The following IP6K3 variants were observed in gnomAD, a reference collection of about 807,000 sequenced individuals.
IP6K3 encodes ATP:1D-myo-inositol-hexakisphosphate phosphotransferase.
IP6K3 carries 20 observed loss-of-function variants against 28.8 expected under a neutral mutation model. The ratio of observed to expected loss-of-function variants is 0.70; its 90% CI spans 0.49 to 1.01. The LOEUF is 1.01. IP6K3 is among the 50% of genes least tolerant of loss of function. The pLI, the probability that IP6K3 is intolerant of heterozygous loss-of-function variation, is 0.00. For synonymous variants in IP6K3, 213 were observed against 221.3 expected, an observed-to-expected ratio of 0.96 and a Z score of 0.33; for missense variants, 480 against 537.1, an observed-to-expected ratio of 0.89 and a Z score of 1.05.
rs772732045 is a variant in IP6K3, at chr6:33,726,795, G to A, written c.525C>T (p.Gly175=). 3.1e-6 allele frequency: 5 copies of A among 1,612,420 alleles called. No individual in the cohort carries two copies. The South Asian group carries it at 3.3e-5, about 11-fold the overall frequency. ...QVERKSFNPW[G]LQCHQAHLTR... is the part of the protein sequence containing the mutation. ...TCAGGTGGGCCTGGTGGCATTGCAG[G>A]CCCCACGGGTTGAAGCTCTTCCTCT... Residue 175 remains glycine, a synonymous_variant, in exon 4 of 6, where the codon GGC becomes GGT. Coordinates refer to ENST00000293756, the MANE Select transcript of IP6K3 (RefSeq NM_054111.5).
the IP6K3 span, among the ~76,000 whole-genome samples, chr6:33,759,273 C>CCATGT: frequency 1.3e-5 from 2 of 152,096 alleles, no homozygotes; most frequent in Non-Finnish European, 2.9e-5. Flanking sequence ...AAAGTTATGT[C>CCATGT]CATGTCACTT....
Position 33,722,598 on chromosome 6 carries a change from G to T in IP6K3, c.*122C>A, listed in dbSNP as rs1765941338. 1.5e-6 allele frequency: 1 copy of T among 674,546 alleles called. No homozygotes were observed. The highest frequency in any genetic ancestry group is 2.8e-5 in the Admixed American group (1 of 36,308). The allele number at this position is 674,546 out of a possible 1,614,324, so 41.8% of individuals were successfully genotyped here. On this transcript the variant is annotated 3_prime_UTR_variant, in exon 6 of 6. Transcript: ENST00000293756. ...ATATAGTCTGCCATATATAGAGATG[G>T]TTTTTGAAGGTAGATAGGACTATTA...
chr6:33,734,902 A>G (rs984717425), intron 2 of IP6K3, among the ~76,000 whole-genome samples: 1 of 151,926 alleles, frequency 6.6e-6, no homozygotes, highest in Non-Finnish European at 1.5e-5. Context: ...TTTCAGAGGG[A>G]GGTTAAGGAG....
chr6:33,754,772 G>T, the IP6K3 span, among the ~76,000 whole-genome samples: 1 of 152,214 alleles, frequency 6.6e-6, no homozygotes, highest in Non-Finnish European at 1.5e-5. Flanking sequence ...GATGCTTGGA[G>T]CCTGGTGGCG....
At chr6:33,732,605 C>A (rs1766358434) in intron 2 of IP6K3, among the ~76,000 whole-genome samples, 1 of 152,214 alleles carries the variant, frequency 6.6e-6, no homozygotes, top group South Asian at 2.1e-4. Context: ...GACCTCAGGG[C>A]TTGGAATCCT....
chr6:33,754,603 A>G, the IP6K3 span, among the ~76,000 whole-genome samples: 1 of 152,146 alleles, frequency 6.6e-6, no homozygotes, highest in Non-Finnish European at 1.5e-5. Context: ...GCCTGCCCAC[A>G]CACTGTCCCC....
intron 3 of IP6K3, 74 bp downstream of exon 3, chr6:33,728,013 C>T (rs1010797681): frequency 1.3e-6 from 2 of 1,556,336 alleles, no homozygotes; most frequent in Non-Finnish European, 8.6e-7. Context: ...AGTGGTTGGC[C>T]TTGGGCACAG....
chr6:33,739,342 G>A (rs1055704077), intron 1 of IP6K3: 8 of 152,176 alleles, frequency 5.3e-5, no homozygotes, highest in African/African-American at 1.9e-4. Flanking sequence ...CTAGGATGTA[G>A]ATTAGGTGAC....
upstream of IP6K3, among the ~76,000 whole-genome samples, chr6:33,749,115 G>T (rs1250231200): frequency 6.6e-6 from 1 of 152,120 alleles, no homozygotes; most frequent in East Asian, 1.9e-4. Flanking sequence ...ACAGGGATGA[G>T]CAGGAGGCCC....
chr6:33,726,869 T>C lies in IP6K3; in HGVS notation c.451A>G (p.Asn151Asp). 6.2e-7 allele frequency: 1 copy of C among 1,611,886 alleles called. No homozygotes were observed. The highest frequency in any genetic ancestry group is 1.1e-5 in the South Asian group (1 of 90,936). ...KALLRSEPHL[N>D]TPAFSLVEDT... is the part of the protein sequence containing the mutation. The stretch of plus-strand genomic sequence containing the variant: ...TCCACCAGCGAGAAGGCTGGAGTGT[T>C]GAGGTGGGGCTCGGACCTCAGAAGA... The change falls in exon 4 of 6, where the codon AAC (asparagine) becomes GAC (aspartate). Residue 151 changes from asparagine to aspartate, a missense_variant. By Grantham distance (23) the Asn-to-Asp change is conservative (BLOSUM62 1). Transcript: ENST00000293756.
chr6:33,753,631 C>T, the IP6K3 span, among the ~76,000 whole-genome samples: 2,676 of 152,192 alleles, frequency 0.018, 78 homozygotes, highest in African/African-American at 0.059. Flanking sequence ...TACCTCATCT[C>T]TCCTCCCTCT....
intron 5 of IP6K3, among the ~76,000 whole-genome samples, chr6:33,724,334 C>T (rs139279603): frequency 1.3e-5 from 2 of 152,224 alleles, no homozygotes; most frequent in African/African-American, 4.8e-5. Context: ...CAAAGGACAT[C>T]TGTGCAACAA....
rs757789977 is a variant in IP6K3, at chr6:33,723,053, C to T, written c.900G>A (p.Glu300=). 4 of 1,614,138 alleles carry T rather than the reference C, an allele frequency of 2.5e-6. No homozygotes were observed. The highest frequency in any genetic ancestry group is 3.4e-6 in the Non-Finnish European group (4 of 1,180,028). Residue 300 remains glutamate, a synonymous_variant, in exon 6 of 6, where the codon GAG becomes GAA. Transcript: ENST00000293756. ...NGSHLRRELL[E]PILHQLRALL... is the part of the protein sequence containing the mutation. The stretch of plus-strand genomic sequence containing the variant: ...GGGCCCGGAGCTGGTGCAGGATGGG[C>T]TCCAGGAGCTCCCTCCGGAGGTGGC...
chr6:33,756,507 C>T, the IP6K3 span, among the ~76,000 whole-genome samples: 36 of 151,956 alleles, frequency 2.4e-4, no homozygotes, highest in African/African-American at 8.2e-4. Context: ...AGAGAGAGAG[C>T]GAGAGAGACT....
chr6:33,733,124 G>A (rs1766374614), intron 2 of IP6K3, among the ~76,000 whole-genome samples: 1 of 152,254 alleles, frequency 6.6e-6, no homozygotes, highest in South Asian at 2.1e-4. Flanking sequence ...TCTGAAGGGT[G>A]TCAGGGGGTG....
the IP6K3 span, among the ~76,000 whole-genome samples, chr6:33,752,583 G>A: frequency 6.6e-6 from 1 of 152,260 alleles, no homozygotes; most frequent in Admixed American, 6.5e-5. Context: ...CATTTTCCAG[G>A]AGAGGAGAGA....
chr6:33,741,367 C>T (rs1181951624), intron 1 of IP6K3, among the ~76,000 whole-genome samples: 1 of 152,140 alleles, frequency 6.6e-6, no homozygotes, highest in Non-Finnish European at 1.5e-5. Context: ...CTTTGCCTGG[C>T]GTGGTGGCTC....
intron 1 of IP6K3, among the ~76,000 whole-genome samples, chr6:33,745,523 C>A (rs60704560): frequency 3.9e-5 from 6 of 151,930 alleles, no homozygotes; most frequent in African/African-American, 1.2e-4. Flanking sequence ...GACAACCCCC[C>A]CTTTGATTCA....
chr6:33,732,765 G>A (rs541550676), intron 2 of IP6K3, among the ~76,000 whole-genome samples: 131 of 152,348 alleles, frequency 8.6e-4, no homozygotes, highest in African/African-American at 2.8e-3. Flanking sequence ...GCTGCTTATA[G>A]TTGTGTCAGG....
Sources: allele counts gnomAD v4.1 joint callset (sites outside exome capture counted in the v4.1 genomes callset), GRCh38; gene constraint gnomAD v4.1.1; transcripts MANE v1.5; gene names NCBI Gene and HGNC (gene_info 2026-07-23, HGNC 2026-07-21).